Variants in ASB18 observed in about 807,000 individuals in gnomAD.
ASB18 encodes ankyrin repeat and SOCS box containing 18.
A neutral mutation model predicts 33.4 loss-of-function variants in ASB18; 33 were observed. The ratio of observed to expected loss-of-function variants is 0.99; its 90% CI spans 0.75 to 1.32. The LOEUF (loss-of-function observed/expected upper bound fraction) is 1.32, where lower values mean the gene tolerates loss of function less well. Among genes scored for constraint, ASB18 ranks in the 40% most tolerant of loss-of-function variants. ASB18 has a pLI of 0.00. For missense variants in ASB18, 694 were observed against 655.5 expected (o/e 1.06, Z -0.64); for synonymous variants, 295 against 307.6 (o/e 0.96, Z 0.43).
At position 236,205,054 on chromosome 2, in the gene ASB18, C is replaced by G. The variant is rs1018965766; in HGVS notation, c.1102-8669G>C. 1.3e-5 allele frequency among the ~76,000 whole-genome samples: 2 copies of G among 152,320 alleles called. No individual in the cohort carries two copies. The highest frequency in any genetic ancestry group is 2.9e-5 in the Non-Finnish European group (2 of 68,020). ...TCCTGTGAATCACAGCAACACCCTC[C>G]TAACTCATCTTTCGACATCTGTTCT... On this transcript the variant is annotated intron_variant, in intron 4 of 5. Transcript: ENST00000409749. The surrounding 1 kb of genome is among the most constrained non-coding windows in gnomAD (Gnocchi z 5.4).
intron 4 of ASB18, among the ~76,000 whole-genome samples, chr2:236,206,614 T>C (rs2060435663): frequency 6.6e-6 from 1 of 152,226 alleles, no homozygotes; most frequent in Non-Finnish European, 1.5e-5. Flanking sequence ...TGCATTTCCT[T>C]ATTTAAACCT....
Position 236,244,669 on chromosome 2 carries a change from G to A in ASB18, c.206-3267C>T, listed in dbSNP as rs147207145. Among the ~76,000 whole-genome samples, 344 of 152,162 alleles carry A rather than the reference G, an allele frequency of 2.3e-3. 1 individual carries two copies. Among genetic ancestry groups the A allele is most frequent in the African/African-American group, 7.9e-3 (330 of 41,512 alleles). On this transcript the variant is annotated intron_variant, in intron 1 of 5. Coordinates refer to ENST00000409749, the MANE Select transcript of ASB18 (RefSeq NM_212556.4). The surrounding 1 kb of genome is among the most constrained non-coding windows in gnomAD (Gnocchi z 6.1). The stretch of plus-strand genomic sequence containing the variant: ...TGCCCAACCAGAGCAGGCTTTCTGT[G>A]TGGGCTCTTTATTTGGAAGAGTAAC...
intron 3 of ASB18, among the ~76,000 whole-genome samples, chr2:236,236,638 C>T (rs1381607282): frequency 6.6e-6 from 1 of 151,900 alleles, no homozygotes; most frequent in Non-Finnish European, 1.5e-5. Context: ...CCCCTCTGAA[C>T]TCAAATGACC....
At chr2:236,218,261 T>A (rs560187415) in intron 3 of ASB18, among the ~76,000 whole-genome samples, 27 of 152,310 alleles carry the variant, frequency 1.8e-4, no homozygotes, top group African/African-American at 6.0e-4. Flanking sequence ...GGCTAAACCT[T>A]GGCACTTTTT....
Position 236,215,726 on chromosome 2 carries a change from A to G in ASB18, c.597-860T>C, listed in dbSNP as rs2060484572. Among the ~76,000 whole-genome samples the G allele has an allele frequency of 6.6e-6, 1 of 152,136 alleles. No homozygotes were observed. The highest frequency in any genetic ancestry group is 2.4e-5 in the African/African-American group (1 of 41,428). On this transcript the variant is annotated intron_variant, in intron 3 of 5. Transcript: ENST00000409749. This position sits in a 1 kb window ranked among gnomAD's most constrained non-coding sequence, Gnocchi z 7.2. Reference sequence around the variant, plus strand: ...TGCCCCAGCCTGGAAGCCGGAAGACAGTCATACAGACCCTCTGCCCTCCGC... The same window carrying G: ...TGCCCCAGCCTGGAAGCCGGAAGACGGTCATACAGACCCTCTGCCCTCCGC...
In ASB18 at chr2:236,216,078, T is replaced by C. The variant is rs897262402; in HGVS notation, c.597-1212A>G. Among the ~76,000 whole-genome samples, 1 of 152,122 alleles carries C rather than the reference T, an allele frequency of 6.6e-6. No individual in the cohort carries two copies. Among genetic ancestry groups the C allele is most frequent in the African/African-American group, 2.4e-5 (1 of 41,406 alleles). On this transcript the variant is annotated intron_variant, in intron 3 of 5. Coordinates refer to ENST00000409749, the MANE Select transcript of ASB18 (RefSeq NM_212556.4). This position sits in a 1 kb window ranked among gnomAD's most constrained non-coding sequence, Gnocchi z 6.1. ...GGAGGGGACCATGGCCATCCCCTACTCAAATGGCCGAATCTTCAAGCCGGA... is the reference window on the plus strand; with the variant it reads ...GGAGGGGACCATGGCCATCCCCTACCCAAATGGCCGAATCTTCAAGCCGGA...
At chr2:236,224,720 A>G (rs532284599) in intron 3 of ASB18, among the ~76,000 whole-genome samples, 235 of 152,228 alleles carry the variant, frequency 1.5e-3, no homozygotes, top group Admixed American at 5.0e-3. Context: ...CATGCCTTGC[A>G]GGCCTGAGAG....
intron 4 of ASB18, among the ~76,000 whole-genome samples, chr2:236,201,112 C>CTCCTTCCCTCCTTCCT (rs1001119565): frequency 1.3e-5 from 2 of 151,502 alleles, no homozygotes; most frequent in East Asian, 3.9e-4. Flanking sequence ...GTTCCCTTCC[C>CTCCTTCCCTCCTTCCT]TCCTTCCCTC....
At position 236,193,668 on chromosome 2, in the gene ASB18, T is replaced by G. The variant is rs1361566674; in HGVS notation, c.*1204A>C. 6.6e-6 allele frequency among the ~76,000 whole-genome samples: 1 copy of G among 152,192 alleles called. No homozygotes were observed. Among genetic ancestry groups the G allele is most frequent in the Non-Finnish European group, 1.5e-5 (1 of 68,036 alleles). On this transcript the variant is annotated 3_prime_UTR_variant, in exon 6 of 6. Transcript: ENST00000409749. This position sits in a 1 kb window ranked among gnomAD's most constrained non-coding sequence, Gnocchi z 5.0. Reference sequence around the variant, plus strand: ...AAAATTAGCCGGGCGTGCTGGCACATGCCTGTTATCCCAGCTACCAGGAAG... The same window carrying G: ...AAAATTAGCCGGGCGTGCTGGCACAGGCCTGTTATCCCAGCTACCAGGAAG...
rs147251045 is a variant in ASB18, at chr2:236,195,476, C to CA, written c.1216-420dup. Among the ~76,000 whole-genome samples the CA allele has an allele frequency of 6.6e-6, 1 of 151,698 alleles. No individual in the cohort carries two copies. The highest frequency in any genetic ancestry group is 1.5e-5 in the Non-Finnish European group (1 of 67,958). On this transcript the variant is annotated intron_variant, in intron 5 of 5. Transcript: ENST00000409749. This position sits in a 1 kb window ranked among gnomAD's most constrained non-coding sequence, Gnocchi z 5.5. ...GGTGGTCAGTCATGCACACATGACT[C>CA]AAGTCAGTGAAACAGAAAAAACACA... is the stretch of plus-strand genomic sequence containing the variant.
At position 236,263,742 on chromosome 2, in the gene ASB18, A is replaced by T. The variant is rs1234110689; in HGVS notation, c.205+399T>A. Among the ~76,000 whole-genome samples the T allele has an allele frequency of 6.6e-6, 1 of 152,190 alleles. No individual in the cohort carries two copies. Among genetic ancestry groups the T allele is most frequent in the African/African-American group, 2.4e-5 (1 of 41,430 alleles). Reference sequence around the variant, plus strand: ...TTTGGTTTAAGTATTTCAGTAGGGGATTGAAATTGGGAAGACTATGTAGCA... The same window carrying T: ...TTTGGTTTAAGTATTTCAGTAGGGGTTTGAAATTGGGAAGACTATGTAGCA... On this transcript the variant is annotated intron_variant, in intron 1 of 5. Transcript: ENST00000409749. The surrounding 1 kb of genome is among the most constrained non-coding windows in gnomAD (Gnocchi z 4.0).
rs574936196 is a variant in ASB18 at position 236,215,020 on chromosome 2, G to GAA, written c.597-156_597-155dup. 8.2e-4 allele frequency among the ~76,000 whole-genome samples: 98 copies of GAA among 120,052 alleles called. No individual in the cohort carries two copies. Among genetic ancestry groups the GAA allele is most frequent in the African/African-American group, 2.1e-3 (71 of 33,804 alleles). 78.8% of individuals were successfully genotyped at this position (120,052 alleles called of 152,430 possible). ...GGCGTCAGGAGTTCAAACTAAACTGGAAAAAAAAAAAAAAAAAAAGAGATT... is the reference window on the plus strand; with the variant it reads ...GGCGTCAGGAGTTCAAACTAAACTGGAAAAAAAAAAAAAAAAAAAAAGAGATT... On this transcript the variant is annotated intron_variant, in intron 3 of 5. Coordinates refer to ENST00000409749, the MANE Select transcript of ASB18 (RefSeq NM_212556.4). The surrounding 1 kb of genome is among the most constrained non-coding windows in gnomAD (Gnocchi z 7.2).
In ASB18 at chr2:236,194,200, G is replaced by T. The variant is rs1206395844; in HGVS notation, c.*672C>A. Among the ~76,000 whole-genome samples, 1 of 152,234 alleles carries T rather than the reference G, an allele frequency of 6.6e-6. No homozygotes were observed. Among genetic ancestry groups the T allele is most frequent in the Non-Finnish European group, 1.5e-5 (1 of 68,040 alleles). ...GGCCTAGCAAGCCTGCCACATTGGT[G>T]ACTGTTCTGAACTTCGTGGTGGTAG... is the stretch of plus-strand genomic sequence containing the variant. On this transcript the variant is annotated 3_prime_UTR_variant, in exon 6 of 6. Coordinates refer to ENST00000409749, the MANE Select transcript of ASB18 (RefSeq NM_212556.4). This position sits in a 1 kb window ranked among gnomAD's most constrained non-coding sequence, Gnocchi z 4.5.
In ASB18 at chr2:236,194,593, C is replaced by A. The variant is rs2060362283; in HGVS notation, c.*279G>T. On this transcript the variant is annotated 3_prime_UTR_variant, in exon 6 of 6. Coordinates refer to ENST00000409749, the MANE Select transcript of ASB18 (RefSeq NM_212556.4). This position sits in a 1 kb window ranked among gnomAD's most constrained non-coding sequence, Gnocchi z 4.5. ...GGACTCACTGTACCTTTTGGCTTAACTGTTGTTGAAAGGTACTTTCCCAGA... is the reference window on the plus strand; with the variant it reads ...GGACTCACTGTACCTTTTGGCTTAAATGTTGTTGAAAGGTACTTTCCCAGA... Among the ~76,000 whole-genome samples, 1 of 152,204 alleles carries A rather than the reference C, an allele frequency of 6.6e-6. No individual in the cohort carries two copies. The highest frequency in any genetic ancestry group is 2.1e-4 in the South Asian group (1 of 4,836).
chr2:236,237,992 A>AG lies in ASB18; in HGVS notation c.329-37dup, dbSNP rs1305704078. 2 of 1,433,184 alleles carry AG rather than the reference A, an allele frequency of 1.4e-6. No homozygotes were observed. The highest frequency in any genetic ancestry group is 3.0e-5 in the African/African-American group (2 of 66,266). 88.8% of individuals were successfully genotyped at this position (1,433,184 alleles called of 1,614,324 possible). A position where few individuals can be genotyped will look rare whatever the true frequency, so the allele number is the denominator to read the frequency against. On this transcript the variant is annotated intron_variant, in intron 2 of 5. Coordinates refer to ENST00000409749, the MANE Select transcript of ASB18 (RefSeq NM_212556.4). The surrounding 1 kb of genome is among the most constrained non-coding windows in gnomAD (Gnocchi z 6.2). ...GGAGGTGGGATGTAAGGTCAGGGGG[A>AG]GGTTAGTTGTGGTGGTGGTGGGCGG...
In ASB18 at chr2:236,263,912, T is replaced by C. The variant is rs1310341210; in HGVS notation, c.205+229A>G. On this transcript the variant is annotated intron_variant, in intron 1 of 5. Coordinates refer to ENST00000409749, the MANE Select transcript of ASB18 (RefSeq NM_212556.4). This position sits in a 1 kb window ranked among gnomAD's most constrained non-coding sequence, Gnocchi z 4.0. Reference sequence around the variant, plus strand: ...AACAATGGAGCCACAGAGCAGCCACTGTGGTAGGATTAGTTTTTTTGTGTT... The same window carrying C: ...AACAATGGAGCCACAGAGCAGCCACCGTGGTAGGATTAGTTTTTTTGTGTT... Among the ~76,000 whole-genome samples, 18 of 152,182 alleles carry C rather than the reference T, an allele frequency of 1.2e-4. No individual in the cohort carries two copies. Among genetic ancestry groups the C allele is most frequent in the African/African-American group, 4.3e-4 (18 of 41,446 alleles).
rs2060505625 is a variant in ASB18 at position 236,220,460 on chromosome 2, C to T, written c.597-5594G>A. 3.3e-5 allele frequency among the ~76,000 whole-genome samples: 5 copies of T among 152,232 alleles called. No individual in the cohort carries two copies. Among genetic ancestry groups the T allele is most frequent in the Non-Finnish European group, 5.9e-5 (4 of 68,042 alleles). ...TCCACTCTCTCGTCTCCCCTGCCTC[C>T]TGATCACCCTCTTTATTCAAAGCCC... On this transcript the variant is annotated intron_variant, in intron 3 of 5. Transcript: ENST00000409749. This position sits in a 1 kb window ranked among gnomAD's most constrained non-coding sequence, Gnocchi z 5.1.
rs1407808604 is a variant in ASB18 at position 236,217,872 on chromosome 2, T to C, written c.597-3006A>G. Among the ~76,000 whole-genome samples, 1 of 152,214 alleles carries C rather than the reference T, an allele frequency of 6.6e-6. No homozygotes were observed. The highest frequency in any genetic ancestry group is 1.9e-4 in the East Asian group (1 of 5,196). On this transcript the variant is annotated intron_variant, in intron 3 of 5. Transcript: ENST00000409749. This position sits in a 1 kb window ranked among gnomAD's most constrained non-coding sequence, Gnocchi z 5.2. ...ATTTTACAGTCAGAGCGCTTCACTT[T>C]GCTTCCTATTTGCTTCTCTGGGAGG...
chr2:236,245,419 C>T lies in ASB18; in HGVS notation c.206-4017G>A, dbSNP rs887863456. On this transcript the variant is annotated intron_variant, in intron 1 of 5. Coordinates refer to ENST00000409749, the MANE Select transcript of ASB18 (RefSeq NM_212556.4). The surrounding 1 kb of genome is among the most constrained non-coding windows in gnomAD (Gnocchi z 4.7). Reference sequence around the variant, plus strand: ...CATAGCCAGTGCCCAAGCACCTTCCCGTGAGTAAAAGGGCTTCCTACCTTG... The same window carrying T: ...CATAGCCAGTGCCCAAGCACCTTCCTGTGAGTAAAAGGGCTTCCTACCTTG... 3.9e-5 allele frequency among the ~76,000 whole-genome samples: 6 copies of T among 152,200 alleles called. No homozygotes were observed. Among genetic ancestry groups the T allele is most frequent in the South Asian group, 2.1e-4 (1 of 4,830 alleles).
Sources: gnomAD v4.1 joint callset for allele counts (sites outside exome capture counted in the v4.1 genomes callset) on GRCh38, gnomAD v4.1.1 for gene constraint, Gnocchi (gnomAD v3.1) non-coding constraint, MANE v1.5 for transcripts, NCBI Gene and HGNC (gene_info 2026-07-23, HGNC 2026-07-21) for gene names.